SAMD9: variants seen among roughly 807,000 people sequenced by gnomAD.
SAMD9 encodes the protein sterile alpha motif domain-containing protein 9.
SAMD9 carries 3 observed loss-of-function variants against 1.5 expected under a neutral mutation model. That is an observed-to-expected ratio of 2.05 (90% CI 0.93 to 5.29). The LOEUF is 5.29. Among genes scored for constraint, SAMD9 ranks in the 30% most tolerant of loss-of-function variants. The probability of loss-of-function intolerance (pLI) is 0.02; values close to 1 mark genes in which losing one functional copy is unlikely to be tolerated. For missense variants in SAMD9, 1,597 were observed against 1,820.8 expected (o/e 0.88, Z 2.24); for synonymous variants, 635 against 631.9 (o/e 1.00, Z -0.07).
At chr7:93,111,174 A>C (rs1276544171) in intron 2 of SAMD9, among the ~76,000 whole-genome samples, 2 of 152,188 alleles carry the variant, frequency 1.3e-5, no homozygotes, top group African/African-American at 4.8e-5. Context: ...GCTCAACTAC[A>C]TGGAAACTGA....
chr7:93,116,572 C>A (rs1791836077), intron 1 of SAMD9, among the ~76,000 whole-genome samples: 1 of 152,130 alleles, frequency 6.6e-6, no homozygotes, highest in Non-Finnish European at 1.5e-5. Context: ...TGCCAGCATT[C>A]ATAGGTATTT....
At position 93,104,487 on chromosome 7, in the gene SAMD9, C is replaced by A. The variant is rs1011326194; in HGVS notation, c.1611G>T (p.Gly537=). The A allele has an allele frequency of 6.2e-7, 1 of 1,613,890 alleles. No individual in the cohort carries two copies. Among genetic ancestry groups the A allele is most frequent in the African/African-American group, 1.3e-5 (1 of 74,902 alleles). Residue 537 remains glycine (G), a synonymous_variant, in exon 3 of 3, where the codon GGG becomes GGT. Transcript: ENST00000379958. The part of the protein sequence containing the change: ...FLTHEDIMPR[G]KFLVVFLLLS... ...GTAATAGAAATACCACCAAAAACTT[C>A]CCTCTTGGCATTATGTCTTCATGTG...
chr7:93,111,700 A>C (rs180703416), intron 2 of SAMD9, among the ~76,000 whole-genome samples: 2 of 152,378 alleles, frequency 1.3e-5, no homozygotes, highest in African/African-American at 4.8e-5. Context: ...ATAAACTTGA[A>C]AATCTAGAAG....
rs1791498386 is a variant in SAMD9, at chr7:93,099,907, A to C, written c.*1421T>G. On this transcript the variant is annotated 3_prime_UTR_variant, in exon 3 of 3. Transcript: ENST00000379958. ...TAGTATGTATCTCTAAAAGGCATGA[A>C]CTCTTTAAAAAACATAACCATGGAA... is the stretch of plus-strand genomic sequence containing the variant. The C allele has an allele frequency of 6.6e-6, 1 of 152,176 alleles. No individual in the cohort carries two copies. Among genetic ancestry groups the C allele is most frequent in the Non-Finnish European group, 1.5e-5 (1 of 68,042 alleles). 9.4% of individuals were successfully genotyped at this position (152,176 alleles called of 1,614,324 possible).
Position 93,101,420 on chromosome 7 carries a change from G to A in SAMD9, c.4678C>T (p.Gln1560Ter). ...TIPITPAFLG[Q>*]LRSGRSIEKV... is the part of the protein sequence containing the mutation. The stretch of plus-strand genomic sequence containing the variant: ...TCTATGCTTCTGCCACTTCTAAGTT[G>A]ACCTAAAAAAGCGGGAGTGATGGGT... Residue 1560 changes from glutamine (Q) to a stop codon, truncating the protein, a stop_gained, in exon 3 of 3, where the codon CAA becomes TAA. Transcript: ENST00000379958. LOFTEE classifies it high-confidence loss of function. 2 of 1,613,730 alleles carry A rather than the reference G, an allele frequency of 1.2e-6. No individual in the cohort carries two copies. The highest frequency in any genetic ancestry group is 1.7e-6 in the Non-Finnish European group (2 of 1,179,720).
In SAMD9 at chr7:93,105,491, T is replaced by C; in HGVS notation, c.607A>G (p.Thr203Ala). The C allele has an allele frequency of 6.2e-7, 1 of 1,614,104 alleles. No homozygotes were observed. The highest frequency in any genetic ancestry group is 8.5e-7 in the Non-Finnish European group (1 of 1,179,994). Residue 203 changes from threonine to alanine, a missense_variant, in exon 3 of 3, where the codon ACA (threonine) becomes GCA (alanine). Physicochemically the swap from Thr to Ala is moderately conservative, Grantham distance 58. Around this residue, in one of 6 missense-constraint regions of SAMD9, gnomAD observed 498 missense variants for 457.4 expected, o/e 1.09. Transcript: ENST00000379958. ...ACATCCTCTTCTGTGGCTGTTGCTG[T>C]ATTTGTGAAGGCTTTGAATTCATGT... The part of the protein sequence containing the change: ...PIHEFKAFTN[T>A]ATATEEDVKM...
At position 93,102,616 on chromosome 7, in the gene SAMD9, C is replaced by T. The variant is rs1791553402; in HGVS notation, c.3482G>A (p.Ser1161Asn). 6.2e-7 allele frequency: 1 copy of T among 1,613,822 alleles called. No individual in the cohort carries two copies. The highest frequency in any genetic ancestry group is 1.1e-5 in the South Asian group (1 of 91,086). Residue 1161 changes from serine (S) to asparagine (N), a missense_variant, in exon 3 of 3, where the codon AGT becomes AAT. Physicochemically the swap from Ser to Asn is conservative, Grantham distance 46. Coordinates refer to ENST00000379958, the MANE Select transcript of SAMD9 (RefSeq NM_017654.4). ...TTGCTGTTGAGATTCTTTGAATGCACTTGAGGCATGTTCTGCTAAATCCAA... is the reference window on the plus strand; with the variant it reads ...TTGCTGTTGAGATTCTTTGAATGCATTTGAGGCATGTTCTGCTAAATCCAA... ...ALLDLAEHASSAFKESQQQSE... is the reference protein window; with the variant it reads ...ALLDLAEHASNAFKESQQQSE...
chr7:93,107,492 A>G (rs936617229), intron 2 of SAMD9, among the ~76,000 whole-genome samples: 1 of 152,154 alleles, frequency 6.6e-6, no homozygotes, highest in African/African-American at 2.4e-5. Context: ...ATGAAATTCA[A>G]ATAATAATAG....
Position 93,101,734 on chromosome 7 carries a change from TCTTTCATTTGTTCA to T in SAMD9, c.4350_4363del (p.Glu1451ValfsTer14). The T allele has an allele frequency of 6.2e-7, 1 of 1,613,880 alleles. No individual in the cohort carries two copies. Among genetic ancestry groups the T allele is most frequent in the Non-Finnish European group, 8.5e-7 (1 of 1,179,788 alleles). ...AGAATTTTTTAGTGCTTGAGCATAC[TCTTTCATTTGTTCA>T]GAATGTTGATCTAGTTGTTGATTTT... On this transcript the variant is annotated frameshift_variant, in exon 3 of 3. Coordinates refer to ENST00000379958, the MANE Select transcript of SAMD9 (RefSeq NM_017654.4). LOFTEE classifies it low-confidence loss of function (END_TRUNC).
rs1791578247 is a variant in SAMD9, at chr7:93,103,711, A to G, written c.2387T>C (p.Leu796Pro). 6.2e-7 allele frequency: 1 copy of G among 1,613,860 alleles called. No homozygotes were observed. Among genetic ancestry groups the G allele is most frequent in the Non-Finnish European group, 8.5e-7 (1 of 1,179,748 alleles). Reference sequence around the variant, plus strand: ...TTGTTCTTCAAAATCATCAACAAGGAGTAGTACAGGTACGTATTCCTGACG... The same window carrying G: ...TTGTTCTTCAAAATCATCAACAAGGGGTAGTACAGGTACGTATTCCTGACG... ...MNRQEYVPVL[L>P]LVDDFEEQDN... Residue 796 changes from leucine to proline, a missense_variant, in exon 3 of 3, where the codon CTC becomes CCC. Physicochemically the swap from Leu to Pro is moderately conservative, Grantham distance 98. Around this residue, in one of 6 missense-constraint regions of SAMD9, gnomAD observed 358 missense variants for 460.4 expected, o/e 0.78. Transcript: ENST00000379958.
Position 93,103,709 on chromosome 7 carries a change from G to A in SAMD9, c.2389C>T (p.Leu797Phe). Residue 797 changes from leucine to phenylalanine, a missense_variant, in exon 3 of 3, where the codon CTT becomes TTT. Coordinates refer to ENST00000379958, the MANE Select transcript of SAMD9 (RefSeq NM_017654.4). ...NRQEYVPVLL[L>F]VDDFEEQDNV... ...TCTTGTTCTTCAAAATCATCAACAA[G>A]GAGTAGTACAGGTACGTATTCCTGA... 1.2e-6 allele frequency: 2 copies of A among 1,613,822 alleles called. No individual in the cohort carries two copies. The highest frequency in any genetic ancestry group is 1.3e-5 in the African/African-American group (1 of 75,024).
At chr7:93,117,801 C>A (rs1221717985) in intron 1 of SAMD9, 62 bp downstream of exon 1, 1 of 152,122 alleles carries the variant, frequency 6.6e-6, no homozygotes, top group Non-Finnish European at 1.5e-5. Context: ...ATATTTCTTT[C>A]TATTCAATAA....
intron 2 of SAMD9, among the ~76,000 whole-genome samples, chr7:93,108,229 A>G (rs1421383702): frequency 1.3e-5 from 2 of 152,098 alleles, no homozygotes; most frequent in African/African-American, 4.8e-5. Flanking sequence ...AAAGTTTGTG[A>G]TGTCCGGGGG....
At position 93,105,593 on chromosome 7, in the gene SAMD9, A is replaced by T. The variant is rs776111249; in HGVS notation, c.505T>A (p.Phe169Ile). The T allele has an allele frequency of 1.2e-6, 2 of 1,614,116 alleles. No individual in the cohort carries two copies. The highest frequency in any genetic ancestry group is 1.7e-6 in the Non-Finnish European group (2 of 1,179,986). The change falls in exon 3 of 3, where the codon TTC becomes ATC. Residue 169 changes from phenylalanine to isoleucine, a missense_variant. Physicochemically the swap from Phe to Ile is conservative, Grantham distance 21 (BLOSUM62 0). Transcript: ENST00000379958. ...LTCVSYPFDEFSNPYRYKLDF... is the reference protein window; with the variant it reads ...LTCVSYPFDEISNPYRYKLDF... ...AACTTGTAACGATATGGATTACTGAATTCATCAAATGGATATGATACACAT... is the reference window on the plus strand; with the variant it reads ...AACTTGTAACGATATGGATTACTGATTTCATCAAATGGATATGATACACAT...
rs755991147 is a variant in SAMD9, at chr7:93,104,515, A to G, written c.1583T>C (p.Leu528Pro). ...ASDVRKLISF[L>P]THEDIMPRGK... ...TCTTGGCATTATGTCTTCATGTGTA[A>G]GAAATGAAATCAGTTTCCTGACATC... Residue 528 changes from leucine to proline, a missense_variant, in exon 3 of 3, where the codon CTT (leucine) becomes CCT (proline). Coordinates refer to ENST00000379958, the MANE Select transcript of SAMD9 (RefSeq NM_017654.4). 9 of 1,613,944 alleles carry G rather than the reference A, an allele frequency of 5.6e-6. No individual in the cohort carries two copies. Among genetic ancestry groups the G allele is most frequent in the Non-Finnish European group, 7.6e-6 (9 of 1,179,920 alleles).
rs1298409370 is a variant in SAMD9 at position 93,106,000 on chromosome 7, CT to C, written c.97del (p.Arg33GlyfsTer4). ...CACGTCTTGTTCAGTCAAAATTTCC[CT>C]GTGTTTTTGGTCAATCTTATGACTT... ...LESHKIDQKHREILTEQDVNG... is the reference protein window; with the variant it reads ...LESHKIDQKHXEILTEQDVNG... On this transcript the variant is annotated frameshift_variant, in exon 3 of 3. Transcript: ENST00000379958. LOFTEE classifies it low-confidence loss of function (END_TRUNC). 6.3e-7 allele frequency: 1 copy of C among 1,592,460 alleles called. No individual in the cohort carries two copies.
At chr7:93,113,441 A>G (rs1333109048) in intron 2 of SAMD9, among the ~76,000 whole-genome samples, 1 of 152,248 alleles carries the variant, frequency 6.6e-6, no homozygotes, top group Non-Finnish European at 1.5e-5. Flanking sequence ...AACAAAACCA[A>G]AATTGACAAA....
intron 2 of SAMD9, among the ~76,000 whole-genome samples, chr7:93,108,911 C>A (rs1424467595): frequency 2.0e-5 from 3 of 152,200 alleles, no homozygotes; most frequent in Admixed American, 6.5e-5. Flanking sequence ...GAAACTTCTG[C>A]AGACTTAAAC....
Position 93,101,134 on chromosome 7 carries a change from TCTCA to T in SAMD9, c.*190_*193del. On this transcript the variant is annotated 3_prime_UTR_variant, in exon 3 of 3. Transcript: ENST00000379958. ...GAACATATTTGCTACTTTTCATATA[TCTCA>T]CTCCTTCCTTTTTCACTATTGTCTT... is the stretch of plus-strand genomic sequence containing the variant. 1 of 609,810 alleles carries T rather than the reference TCTCA, an allele frequency of 1.6e-6. No homozygotes were observed. The highest frequency in any genetic ancestry group is 2.9e-6 in the Non-Finnish European group (1 of 344,220). 37.8% of individuals were successfully genotyped at this position (609,810 alleles called of 1,614,324 possible).
Sources: gnomAD v4.1 joint callset for allele counts (sites outside exome capture counted in the v4.1 genomes callset) on GRCh38, gnomAD v4.1.1 for gene constraint, gnomAD v4.1.1 regional missense constraint, MANE v1.5 for transcripts, NCBI Gene and HGNC (gene_info 2026-07-23, HGNC 2026-07-21) for gene names.